The following MAN2A1 variants were observed in gnomAD, a reference collection of about 807,000 sequenced individuals.
MAN2A1 encodes mannosidase alpha class 2A member 1, also known as alpha-mannosidase 2.
Under a neutral mutation model 142.6 loss-of-function variants are expected in MAN2A1, and 76 were observed. That is an observed-to-expected ratio of 0.53 (90% CI 0.44 to 0.65). The LOEUF (loss-of-function observed/expected upper bound fraction) is 0.65. Ranked by LOEUF, MAN2A1 falls within the 30% of genes least tolerant of loss-of-function variation. The pLI, the probability that MAN2A1 is intolerant of heterozygous loss-of-function variation, is 0.00. For missense variants in MAN2A1, 1,311 were observed against 1,365.1 expected, an observed-to-expected ratio of 0.96 and a Z score of 0.62; for synonymous variants, 559 against 473.2, an observed-to-expected ratio of 1.18 and a Z score of -2.35.
chr5:109,832,460 A>C (rs1754937574), intron 16 of MAN2A1, among the ~76,000 whole-genome samples: 1 of 152,170 alleles, frequency 6.6e-6, no homozygotes, highest in African/African-American at 2.4e-5. Flanking sequence ...GAGTGGACAC[A>C]GCACATGTTT....
chr5:109,723,645 C>A (rs977047899), intron 3 of MAN2A1, among the ~76,000 whole-genome samples: 9 of 152,170 alleles, frequency 5.9e-5, no homozygotes, highest in Non-Finnish European at 1.0e-4. Flanking sequence ...ACCCTCATGT[C>A]CTCCCTCCAA....
At chr5:109,713,886 A>C in intron 2 of MAN2A1, 112 bp downstream of exon 2, 1 of 965,188 alleles carries the variant, frequency 1.0e-6, no homozygotes, top group Non-Finnish European at 1.5e-6. Context: ...TTTGGATTCT[A>C]GTTTCTCTTT....
rs553605666 is a variant in MAN2A1 at position 109,799,612 on chromosome 5, C to T, written c.1943+10085C>T. 3.3e-5 allele frequency among the ~76,000 whole-genome samples: 5 copies of T among 151,510 alleles called. No individual in the cohort carries two copies. The East Asian group carries it at 5.9e-4, about 18-fold the overall frequency. ...TCTACTAAAAATACAAAATTAGCTG[C>T]GCATGGTGGCGCATGCCTGGAATCC... is the stretch of plus-strand genomic sequence containing the variant. On this transcript the variant is annotated intron_variant, in intron 12 of 21. Coordinates refer to ENST00000261483, the MANE Select transcript of MAN2A1 (RefSeq NM_002372.4).
At position 109,866,204 on chromosome 5, in the gene MAN2A1, T is replaced by A. The variant is rs3797671; in HGVS notation, c.3283-642T>A. Reference sequence around the variant, plus strand: ...TCTATTGTATTGTTGATGATCTAAGTTTACTTGGTTCTGAGCATTCTGACA... The same window carrying A: ...TCTATTGTATTGTTGATGATCTAAGATTACTTGGTTCTGAGCATTCTGACA... On this transcript the variant is annotated intron_variant, in intron 21 of 21. Transcript: ENST00000261483. Among the ~76,000 whole-genome samples, 22 of 152,242 alleles carry A rather than the reference T, an allele frequency of 1.4e-4. No homozygotes were observed. In the East Asian group the frequency reaches 4.3e-3, roughly 29 times the overall value.
rs541710305 is a variant in MAN2A1 at position 109,722,865 on chromosome 5, A to G, written c.536-6477A>G. Reference sequence around the variant, plus strand: ...TCTAACAGTGTCTGTCATATTTTAGACAGTTTTCTCATTATTTCAAATAAC... The same window carrying G: ...TCTAACAGTGTCTGTCATATTTTAGGCAGTTTTCTCATTATTTCAAATAAC... On this transcript the variant is annotated intron_variant, in intron 3 of 21. Coordinates refer to ENST00000261483, the MANE Select transcript of MAN2A1 (RefSeq NM_002372.4). 2.6e-5 allele frequency among the ~76,000 whole-genome samples: 4 copies of G among 152,276 alleles called. No homozygotes were observed. In the South Asian group the frequency reaches 8.3e-4, roughly 32 times the overall value.
In MAN2A1 at chr5:109,816,624, A is replaced by G. The variant is rs373009177; in HGVS notation, c.1944-649A>G. Among the ~76,000 whole-genome samples the G allele has an allele frequency of 6.4e-4, 97 of 152,328 alleles. 1 individual carries two copies. The highest frequency in any genetic ancestry group is 2.2e-3 in the African/African-American group (92 of 41,588). On this transcript the variant is annotated intron_variant, in intron 12 of 21. Transcript: ENST00000261483. ...TTCTTAGTGGTCTAAAATGAATATTAGATTTTTAACTGGAACTCATTGTGA... is the reference window on the plus strand; with the variant it reads ...TTCTTAGTGGTCTAAAATGAATATTGGATTTTTAACTGGAACTCATTGTGA...
At chr5:109,864,808 C>T in intron 20 of MAN2A1, 1 of 472,980 alleles carries the variant, frequency 2.1e-6, no homozygotes, top group Non-Finnish European at 3.8e-6. Flanking sequence ...CATGAGGTTA[C>T]CTAACAAGGA....
chr5:109,770,371 A>G lies in MAN2A1; in HGVS notation c.1026A>G (p.Thr342=). 1.2e-6 allele frequency: 2 copies of G among 1,613,686 alleles called. No individual in the cohort carries two copies. Among genetic ancestry groups the G allele is most frequent in the South Asian group, 2.2e-5 (2 of 91,034 alleles). The change falls in exon 7 of 22, where the codon ACA becomes ACG. Residue 342 remains threonine (T), a synonymous_variant. Transcript: ENST00000261483. The part of the protein sequence containing the change: ...WRQNWDLGSV[T]DILCHMMPFY... ...TTATTTTAGATCTGGGATCTGTCAC[A>G]GATATTTTATGCCACATGATGCCCT... is the stretch of plus-strand genomic sequence containing the variant.
At chr5:109,708,509 G>GAGACACAC (rs1554072321) in intron 1 of MAN2A1, among the ~76,000 whole-genome samples, 3 of 124,542 alleles carry the variant, frequency 2.4e-5, no homozygotes, top group African/African-American at 9.4e-5. Flanking sequence ...GAACTGATAG[G>GAGACACAC]ACACACACAC....
intron 2 of MAN2A1, among the ~76,000 whole-genome samples, chr5:109,714,909 G>C (rs772085020): frequency 4.2e-4 from 63 of 150,976 alleles, no homozygotes; most frequent in Non-Finnish European, 1.3e-4. Flanking sequence ...AGCTGTTTCT[G>C]TGAGGTTTGG....
chr5:109,791,032 A>G (rs1753724875), intron 12 of MAN2A1, among the ~76,000 whole-genome samples: 1 of 152,126 alleles, frequency 6.6e-6, no homozygotes, highest in Non-Finnish European at 1.5e-5. Context: ...AAATATTTTT[A>G]AGCTTTCATA....
Position 109,693,415 on chromosome 5 carries a change from A to AT in MAN2A1, c.135+2869dup, listed in dbSNP as rs541383545. The stretch of plus-strand genomic sequence containing the variant: ...CCAAGCAGGTCGGTCACTATGTGTC[A>AT]TTTTTTGGTATCTAGTAGAACGGTT... On this transcript the variant is annotated intron_variant, in intron 1 of 21. Coordinates refer to ENST00000261483, the MANE Select transcript of MAN2A1 (RefSeq NM_002372.4). Among the ~76,000 whole-genome samples the AT allele has an allele frequency of 1.3e-3, 190 of 151,532 alleles. 1 individual carries two copies. The highest frequency in any genetic ancestry group is 4.2e-3 in the African/African-American group (174 of 41,272).
intron 10 of MAN2A1, among the ~76,000 whole-genome samples, chr5:109,787,299 C>T (rs1753619194): frequency 6.6e-6 from 1 of 151,844 alleles, no homozygotes; most frequent in Admixed American, 6.6e-5. Context: ...TATATAGTGG[C>T]AGACATGCTA....
chr5:109,791,792 T>G (rs1206448498), intron 12 of MAN2A1, among the ~76,000 whole-genome samples: 1 of 151,872 alleles, frequency 6.6e-6, no homozygotes, highest in East Asian at 1.9e-4. Context: ...CTAAAAAGAG[T>G]CCTTAGGGAG....
chr5:109,783,898 C>T (rs962645502), intron 9 of MAN2A1, among the ~76,000 whole-genome samples: 68 of 151,844 alleles, frequency 4.5e-4, no homozygotes, highest in Middle Eastern at 3.2e-3. Flanking sequence ...CAGAGTCTTG[C>T]TCTGTTGCCC....
intron 12 of MAN2A1, among the ~76,000 whole-genome samples, chr5:109,790,146 A>T (rs1753699745): frequency 6.6e-6 from 1 of 151,818 alleles, no homozygotes; most frequent in Non-Finnish European, 1.5e-5. Flanking sequence ...ATAACCAAAT[A>T]TTTGTTGGTC....
intron 21 of MAN2A1, among the ~76,000 whole-genome samples, chr5:109,865,757 T>C (rs181028048): frequency 6.6e-6 from 1 of 152,352 alleles, no homozygotes; most frequent in African/African-American, 2.4e-5. Flanking sequence ...TGAACACAGC[T>C]TGCTGGCTGC....
chr5:109,720,581 TA>T (rs1448732566), intron 3 of MAN2A1, among the ~76,000 whole-genome samples: 2 of 152,198 alleles, frequency 1.3e-5, no homozygotes, highest in Non-Finnish European at 2.9e-5. Flanking sequence ...ATATCTCTAT[TA>T]GGGGTGTCCA....
chr5:109,735,186 G>T (rs1752052026), intron 4 of MAN2A1, among the ~76,000 whole-genome samples: 1 of 151,958 alleles, frequency 6.6e-6, no homozygotes, highest in African/African-American at 2.4e-5. Flanking sequence ...CAGAGACTAG[G>T]ATTGCAACCC....
Sources: allele counts gnomAD v4.1 joint callset (sites outside exome capture counted in the v4.1 genomes callset), GRCh38; gene constraint gnomAD v4.1.1; transcripts MANE v1.5; gene names NCBI Gene and HGNC (gene_info 2026-07-23, HGNC 2026-07-21).